CNTNAP2: variants seen among roughly 807,000 people sequenced by gnomAD.
CNTNAP2 encodes contactin associated protein 2, also known as contactin-associated protein-like 2.
In CNTNAP2, 98 loss-of-function variants were observed where a neutral mutation model predicts 155.2. The observed-to-expected ratio is 0.63, with a 90% CI of 0.54 to 0.75. CNTNAP2 has a LOEUF of 0.75. CNTNAP2 is among the 30% of genes least tolerant of loss of function. CNTNAP2 has a pLI of 0.00. For missense variants in CNTNAP2, 1,727 were observed against 1,688.1 expected (o/e 1.02, Z -0.40); for synonymous variants, 651 against 631.2 (o/e 1.03, Z -0.47).
At chr7:146,943,483 T>C (rs1797097227) in intron 3 of CNTNAP2, among the ~76,000 whole-genome samples, 1 of 152,110 alleles carries the variant, frequency 6.6e-6, no homozygotes, top group Non-Finnish European at 1.5e-5. Flanking sequence ...CAGAGTAAGA[T>C]TCTGTCTCAA....
chr7:147,423,392 A>T (rs766363732), intron 10 of CNTNAP2, among the ~76,000 whole-genome samples: 1 of 152,186 alleles, frequency 6.6e-6, no homozygotes, highest in East Asian at 1.9e-4. Flanking sequence ...AATATGATGA[A>T]CAGACCTTGA....
chr7:147,805,075 AT>A (rs34878870), intron 13 of CNTNAP2, among the ~76,000 whole-genome samples: 151 of 145,816 alleles, frequency 1.0e-3, no homozygotes, highest in Admixed American at 3.2e-3. Context: ...ATTCAATATC[AT>A]TTTTTTTTTT....
At chr7:147,670,427 G>A (rs927792127) in intron 13 of CNTNAP2, among the ~76,000 whole-genome samples, 2 of 152,188 alleles carry the variant, frequency 1.3e-5, no homozygotes, top group Non-Finnish European at 2.9e-5. Flanking sequence ...TCCAAAGTGA[G>A]AACTTACATC....
chr7:147,648,696 G>C (rs1169954013), intron 13 of CNTNAP2, among the ~76,000 whole-genome samples: 1 of 152,136 alleles, frequency 6.6e-6, no homozygotes, highest in Non-Finnish European at 1.5e-5. Flanking sequence ...GCACAGGAAA[G>C]ACCTGCCCCC....
chr7:147,127,163 G>C (rs1801257623), intron 6 of CNTNAP2, among the ~76,000 whole-genome samples: 1 of 152,114 alleles, frequency 6.6e-6, no homozygotes, highest in Non-Finnish European at 1.5e-5. Flanking sequence ...GGCACACTTA[G>C]GTAGTACCTA....
chr7:146,401,931 T>C (rs904373655), intron 1 of CNTNAP2, among the ~76,000 whole-genome samples: 2 of 152,300 alleles, frequency 1.3e-5, no homozygotes, highest in Non-Finnish European at 2.9e-5. Context: ...AAAGTTGGTA[T>C]TTAAGAAATA....
intron 3 of CNTNAP2, among the ~76,000 whole-genome samples, chr7:146,994,609 A>T (rs914328632): frequency 6.6e-6 from 1 of 152,108 alleles, no homozygotes; most frequent in Non-Finnish European, 1.5e-5. Flanking sequence ...TCATTACATC[A>T]TGCAGCTGTT....
chr7:147,244,135 C>G (rs980516161), intron 8 of CNTNAP2, among the ~76,000 whole-genome samples: 3 of 152,160 alleles, frequency 2.0e-5, no homozygotes, highest in Non-Finnish European at 4.4e-5. Flanking sequence ...CTGCATTTTC[C>G]CATTCTTGCT....
chr7:148,090,762 A>G (rs2116563540), intron 15 of CNTNAP2, among the ~76,000 whole-genome samples: 1 of 152,254 alleles, frequency 6.6e-6, no homozygotes, highest in Middle Eastern at 3.4e-3. Flanking sequence ...ATCCAAAGGA[A>G]ATGAAATTAG....
intron 4 of CNTNAP2, among the ~76,000 whole-genome samples, chr7:147,094,818 G>A (rs1800492494): frequency 6.6e-6 from 1 of 152,000 alleles, no homozygotes; most frequent in Admixed American, 6.6e-5. Context: ...GTCTTAGTCT[G>A]TTTGGCCTGC....
Position 148,022,206 on chromosome 7 carries a change from C to A in CNTNAP2, c.2383+44217C>A, listed in dbSNP as rs1235368099. Reference sequence around the variant, plus strand: ...GGTTTAAAAAAAAAAATGTGGCTCACGCCTGTAATCCTAGCACTATGGGAG... The same window carrying A: ...GGTTTAAAAAAAAAAATGTGGCTCAAGCCTGTAATCCTAGCACTATGGGAG... On this transcript the variant is annotated intron_variant, in intron 15 of 23. Coordinates refer to ENST00000361727, the MANE Select transcript of CNTNAP2 (RefSeq NM_014141.6). 1.3e-5 allele frequency among the ~76,000 whole-genome samples: 2 copies of A among 151,930 alleles called. 1 individual carries two copies. The highest frequency in any genetic ancestry group is 4.1e-4 in the South Asian group (2 of 4,822).
chr7:147,754,511 T>C (rs541165499), intron 13 of CNTNAP2, among the ~76,000 whole-genome samples: 1 of 152,298 alleles, frequency 6.6e-6, no homozygotes, highest in South Asian at 2.1e-4. Context: ...GTTACTGCTT[T>C]CAAGAAACAA....
At chr7:146,561,026 T>C (rs974982941) in intron 1 of CNTNAP2, among the ~76,000 whole-genome samples, 24 of 152,198 alleles carry the variant, frequency 1.6e-4, no homozygotes, top group Admixed American at 9.8e-4. Flanking sequence ...GTGTCAATTA[T>C]ATATTATAAA....
chr7:148,031,746 G>A (rs1306294252), intron 15 of CNTNAP2, among the ~76,000 whole-genome samples: 6 of 152,214 alleles, frequency 3.9e-5, no homozygotes, highest in East Asian at 3.9e-4. Context: ...TCCATGTGCC[G>A]AATTTACACA....
chr7:147,228,172 A>G (rs1249819112), intron 8 of CNTNAP2, among the ~76,000 whole-genome samples: 5 of 152,216 alleles, frequency 3.3e-5, no homozygotes, highest in Non-Finnish European at 1.5e-5. Context: ...AGTAGTTTCA[A>G]GAAAGAATGA....
intron 2 of CNTNAP2, among the ~76,000 whole-genome samples, chr7:146,825,495 C>T (rs182298299): frequency 6.6e-6 from 1 of 152,224 alleles, no homozygotes; most frequent in Non-Finnish European, 1.5e-5. Flanking sequence ...TGAGTTAGAT[C>T]TTAAAGAATT....
chr7:147,674,964 T>C (rs1316297094), intron 13 of CNTNAP2, among the ~76,000 whole-genome samples: 1 of 152,104 alleles, frequency 6.6e-6, no homozygotes, highest in African/African-American at 2.4e-5. Context: ...CATTCATGGA[T>C]GTGTTAGTTT....
chr7:146,453,132 G>A (rs1796506892), intron 1 of CNTNAP2, among the ~76,000 whole-genome samples: 1 of 152,310 alleles, frequency 6.6e-6, no homozygotes, highest in South Asian at 2.1e-4. Flanking sequence ...GCACAGAAAC[G>A]ATGTTCCAGA....
At chr7:148,366,336 A>G (rs6954540) in intron 21 of CNTNAP2, among the ~76,000 whole-genome samples, 150,252 of 151,668 alleles carry the variant, frequency 0.99, 74,432 homozygotes, top group Middle Eastern at 1. Context: ...CATATCTGTC[A>G]AGCATAATGT....
Sources: allele counts gnomAD v4.1 joint callset (sites outside exome capture counted in the v4.1 genomes callset), GRCh38; gene constraint gnomAD v4.1.1; transcripts MANE v1.5; gene names NCBI Gene and HGNC (gene_info 2026-07-23, HGNC 2026-07-21).